The following AUTS2 variants were observed in gnomAD, a reference collection of about 807,000 sequenced individuals.
The protein encoded by AUTS2 is autism susceptibility gene 2 protein.
A neutral mutation model predicts 112.4 loss-of-function variants in AUTS2; 17 were observed. The observed-to-expected ratio is 0.15, with a 90% CI of 0.10 to 0.23. The LOEUF (loss-of-function observed/expected upper bound fraction) is 0.23, where lower values mean the gene tolerates loss of function less well. Ranked by LOEUF, AUTS2 falls within the 10% of genes least tolerant of loss-of-function variation. The pLI is 1.00. For missense variants in AUTS2, 1,510 were observed against 1,701.6 expected, an observed-to-expected ratio of 0.89 and a Z score of 1.98; for synonymous variants, 751 against 702.7, an observed-to-expected ratio of 1.07 and a Z score of -1.09.
Position 69,614,370 on chromosome 7 carries a change from T to TCTTTCTTTCTTTCTTTTCTTTC in AUTS2, c.309+14408_309+14409insCTTTCTTTCTTTCTTTTCTTTC, listed in dbSNP as rs1322536871. Among the ~76,000 whole-genome samples the TCTTTCTTTCTTTCTTTTCTTTC allele has an allele frequency of 2.1e-4, 6 of 28,556 alleles. 2 individuals carry two copies. Among genetic ancestry groups the TCTTTCTTTCTTTCTTTTCTTTC allele is most frequent in the African/African-American group, 2.9e-4 (3 of 10,248 alleles). The allele number at this position is 28,556 out of a possible 152,430, so 18.7% of individuals were successfully genotyped here. A position where few individuals can be genotyped will look rare whatever the true frequency, so the allele number is the denominator to read the frequency against. On this transcript the variant is annotated intron_variant, in intron 1 of 18. Coordinates refer to ENST00000342771, the MANE Select transcript of AUTS2 (RefSeq NM_015570.4). ...TTTCTTTCTTTCTTTCTTTCTTTTT[T>TCTTTCTTTCTTTCTTTTCTTTC]TAAGAGATGGGATCTCACTCTGTTT...
rs140328079 is a variant in AUTS2, at chr7:70,576,462, T to C, written c.691-122107T>C. Among the ~76,000 whole-genome samples, 4 of 152,320 alleles carry C rather than the reference T, an allele frequency of 2.6e-5. No individual in the cohort carries two copies. In the East Asian group the frequency reaches 7.7e-4, roughly 29 times the overall value. Reference sequence around the variant, plus strand: ...CATATCAGCACTTGCATTTTGGGGTTGATGTTGTGGAACCTAAACAATTAG... The same window carrying C: ...CATATCAGCACTTGCATTTTGGGGTCGATGTTGTGGAACCTAAACAATTAG... On this transcript the variant is annotated intron_variant, in intron 5 of 18. Coordinates refer to ENST00000342771, the MANE Select transcript of AUTS2 (RefSeq NM_015570.4).
chr7:69,611,652 C>T (rs912082203), intron 1 of AUTS2, among the ~76,000 whole-genome samples: 17 of 152,218 alleles, frequency 1.1e-4, no homozygotes, highest in South Asian at 2.1e-4. Context: ...AATTGTAGGC[C>T]GGGCGCGGTG....
At chr7:69,885,089 T>A (rs1794215680) in intron 1 of AUTS2, among the ~76,000 whole-genome samples, 1 of 152,356 alleles carries the variant, frequency 6.6e-6, no homozygotes. Context: ...GTGAACAAGC[T>A]CTAAGACTTG....
intron 1 of AUTS2, among the ~76,000 whole-genome samples, chr7:69,850,479 A>G (rs969868587): frequency 1.4e-5 from 2 of 143,972 alleles, no homozygotes; most frequent in African/African-American, 5.1e-5. Context: ...CATTCCCAGC[A>G]GCAGTGTATG....
intron 2 of AUTS2, among the ~76,000 whole-genome samples, chr7:70,050,271 C>T (rs1801688495): frequency 7.2e-6 from 1 of 139,194 alleles, no homozygotes; most frequent in South Asian, 2.3e-4. Flanking sequence ...GCAGGAGAAT[C>T]GCTTGAATCC....
At chr7:70,396,892 AGG>A (rs1794109583) in intron 4 of AUTS2, among the ~76,000 whole-genome samples, 1 of 152,200 alleles carries the variant, frequency 6.6e-6, no homozygotes, top group East Asian at 1.9e-4. Flanking sequence ...GGAAGTATCT[AGG>A]AGTAGAATGG....
chr7:70,297,372 A>G lies in AUTS2; in HGVS notation c.661-138380A>G, dbSNP rs1480187181. 5.3e-5 allele frequency among the ~76,000 whole-genome samples: 8 copies of G among 152,064 alleles called. No homozygotes were observed. In the South Asian group the frequency reaches 1.7e-3, roughly 32 times the overall value. ...AGGGAGGTTTCAGAGAAGAGATGGCATTGATGTAAGTCTTGAAGAAGTTAG... is the reference window on the plus strand; with the variant it reads ...AGGGAGGTTTCAGAGAAGAGATGGCGTTGATGTAAGTCTTGAAGAAGTTAG... On this transcript the variant is annotated intron_variant, in intron 4 of 18. Coordinates refer to ENST00000342771, the MANE Select transcript of AUTS2 (RefSeq NM_015570.4).
intron 5 of AUTS2, among the ~76,000 whole-genome samples, chr7:70,615,993 C>A (rs946511748): frequency 6.6e-6 from 1 of 152,146 alleles, no homozygotes; most frequent in Non-Finnish European, 1.5e-5. Context: ...GATCTGCCCA[C>A]CCTGGCCTCC....
intron 2 of AUTS2, among the ~76,000 whole-genome samples, chr7:69,970,554 C>T (rs1027125821): frequency 2.0e-5 from 3 of 152,132 alleles, no homozygotes; most frequent in Admixed American, 6.5e-5. Context: ...TTATCATCTC[C>T]CTTCTGGCTT....
At chr7:70,303,698 C>A (rs1399437174) in intron 4 of AUTS2, among the ~76,000 whole-genome samples, 4 of 152,150 alleles carry the variant, frequency 2.6e-5, no homozygotes, top group Non-Finnish European at 2.9e-5. Context: ...TTCTGGCCCC[C>A]ATTTCCCTTT....
chr7:70,688,656 T>C (rs766869240), intron 5 of AUTS2, among the ~76,000 whole-genome samples: 6 of 152,048 alleles, frequency 3.9e-5, no homozygotes, highest in Non-Finnish European at 8.8e-5. Context: ...AAAGAGACCC[T>C]GTCTCTACAA....
chr7:70,716,240 G>A (rs1315298028), intron 6 of AUTS2, among the ~76,000 whole-genome samples: 4 of 152,204 alleles, frequency 2.6e-5, no homozygotes, highest in Admixed American at 6.5e-5. Flanking sequence ...TGACTGGTAA[G>A]TGACAGTGAG....
intron 1 of AUTS2, among the ~76,000 whole-genome samples, chr7:69,856,007 C>T (rs753966887): frequency 6.6e-5 from 10 of 152,146 alleles, no homozygotes; most frequent in African/African-American, 1.7e-4. Context: ...GTGGCTTCCC[C>T]GCAGTGATTC....
chr7:70,016,432 G>T (rs1410263404), intron 2 of AUTS2, among the ~76,000 whole-genome samples: 1 of 151,952 alleles, frequency 6.6e-6, no homozygotes, highest in Non-Finnish European at 1.5e-5. Flanking sequence ...GAGGAGATTT[G>T]GGGGATAGAG....
At chr7:70,686,658 G>A (rs1395310940) in intron 5 of AUTS2, among the ~76,000 whole-genome samples, 5 of 151,654 alleles carry the variant, frequency 3.3e-5, no homozygotes, top group Admixed American at 6.6e-5. Context: ...AGCCTCCCCC[G>A]AGAAGCTGGG....
chr7:69,754,590 G>C (rs1348587527), intron 1 of AUTS2, among the ~76,000 whole-genome samples: 1 of 152,136 alleles, frequency 6.6e-6, no homozygotes, highest in African/African-American at 2.4e-5. Context: ...GACTGCTGCA[G>C]TATTTCAGAT....
intron 1 of AUTS2, among the ~76,000 whole-genome samples, chr7:69,695,921 C>T (rs1185264792): frequency 6.6e-6 from 1 of 152,160 alleles, no homozygotes; most frequent in Non-Finnish European, 1.5e-5. Flanking sequence ...GCCTTCTTGA[C>T]ACTCAAGAAA....
intron 5 of AUTS2, among the ~76,000 whole-genome samples, chr7:70,614,979 C>T (rs886818281): frequency 6.6e-6 from 1 of 152,236 alleles, no homozygotes; most frequent in Non-Finnish European, 1.5e-5. Context: ...ACTGGCTGAA[C>T]TCACAGCTTG....
At chr7:70,332,091 G>A (rs907069004) in intron 4 of AUTS2, among the ~76,000 whole-genome samples, 8 of 152,162 alleles carry the variant, frequency 5.3e-5, no homozygotes, top group Non-Finnish European at 1.0e-4. Context: ...ATCTCCTTAA[G>A]CAGATAAGCA....
Sources: gnomAD v4.1 joint callset for allele counts (sites outside exome capture counted in the v4.1 genomes callset) on GRCh38, gnomAD v4.1.1 for gene constraint, MANE v1.5 for transcripts, NCBI Gene and HGNC (gene_info 2026-07-23, HGNC 2026-07-21) for gene names.